LRRC28: variants seen among roughly 807,000 people sequenced by gnomAD.
The protein encoded by LRRC28 is leucine-rich repeat-containing protein 28.
Under a neutral mutation model 45.7 loss-of-function variants are expected in LRRC28, and 39 were observed. The observed-to-expected ratio is 0.85, with a 90% CI of 0.66 to 1.12. The LOEUF (loss-of-function observed/expected upper bound fraction) is 1.12. LRRC28 is among the 50% of genes most tolerant of loss of function. LRRC28 has a pLI of 0.00. For missense variants in LRRC28, 435 were observed against 438.5 expected (o/e 0.99, Z 0.07); for synonymous variants, 206 against 178.8 (o/e 1.15, Z -1.22).
intron 2 of LRRC28, among the ~76,000 whole-genome samples, chr15:99,265,588 A>T (rs1477118905): frequency 6.6e-6 from 1 of 152,168 alleles, no homozygotes; most frequent in Non-Finnish European, 1.5e-5. Flanking sequence ...CTTTGTAAGA[A>T]GGAGAAGGAA....
At position 99,351,208 on chromosome 15, in the gene LRRC28, G is replaced by A. The variant is rs1202231674; in HGVS notation, c.593-1161G>A. Among the ~76,000 whole-genome samples the A allele has an allele frequency of 2.6e-5, 4 of 152,150 alleles. No individual in the cohort carries two copies. In the East Asian group the frequency reaches 7.7e-4, roughly 29 times the overall value. On this transcript the variant is annotated intron_variant, in intron 6 of 9. Transcript: ENST00000301981. ...AGACAAATAGCCCTAGTCAGTGAGTGCTTAGGAGCGGAGAGGAGAGCTGGT... is the reference window on the plus strand; with the variant it reads ...AGACAAATAGCCCTAGTCAGTGAGTACTTAGGAGCGGAGAGGAGAGCTGGT...
At chr15:99,259,958 G>A in intron 2 of LRRC28, 1 of 656,800 alleles carries the variant, frequency 1.5e-6, no homozygotes, top group South Asian at 1.7e-5. Flanking sequence ...AATGGATGTG[G>A]GAACAGATGA....
intron 9 of LRRC28, among the ~76,000 whole-genome samples, chr15:99,380,715 G>T (rs532597312): frequency 1.3e-5 from 2 of 152,342 alleles, no homozygotes; most frequent in Non-Finnish European, 1.5e-5. Context: ...AGGAGCTCTT[G>T]TAGGGCAGGC....
intron 5 of LRRC28, among the ~76,000 whole-genome samples, chr15:99,311,952 T>C (rs1955428518): frequency 6.6e-6 from 1 of 152,200 alleles, no homozygotes; most frequent in Non-Finnish European, 1.5e-5. Context: ...TTACTGTGTT[T>C]TACCAGAATT....
chr15:99,381,089 G>A (rs1297683591), intron 9 of LRRC28, among the ~76,000 whole-genome samples: 6 of 152,098 alleles, frequency 3.9e-5, no homozygotes, highest in African/African-American at 1.4e-4. Flanking sequence ...GCCTTGCTTG[G>A]TTGGGGAATT....
chr15:99,358,113 T>C (rs1957096918), intron 7 of LRRC28, among the ~76,000 whole-genome samples: 1 of 152,206 alleles, frequency 6.6e-6, no homozygotes, highest in Admixed American at 6.5e-5. Flanking sequence ...GTAAGGTGGC[T>C]AAATATAAGA....
Position 99,255,981 on chromosome 15 carries a change from G to C in LRRC28, c.24G>C (p.Thr8=). The C allele has an allele frequency of 7.4e-6, 12 of 1,612,500 alleles. No individual in the cohort carries two copies. Among genetic ancestry groups the C allele is most frequent in the Non-Finnish European group, 1.0e-5 (12 of 1,179,900 alleles). MASELCK[T]ISVARLEKHK... ...TCATGGCGTCCGAACTTTGTAAGACGATCTCTGTGGCAAGGCTAGAAAAGC... is the reference window on the plus strand; with the variant it reads ...TCATGGCGTCCGAACTTTGTAAGACCATCTCTGTGGCAAGGCTAGAAAAGC... The change falls in exon 2 of 10, where the codon ACG becomes ACC. Residue 8 remains threonine, a synonymous_variant. Transcript: ENST00000301981.
intron 7 of LRRC28, among the ~76,000 whole-genome samples, chr15:99,354,473 A>G (rs1340013449): frequency 6.6e-6 from 1 of 152,188 alleles, no homozygotes; most frequent in African/African-American, 2.4e-5. Flanking sequence ...GGGAAGGGGT[A>G]GTAGCACAAG....
rs534044628 is a variant in LRRC28, at chr15:99,345,686, A to G, written c.593-6683A>G. On this transcript the variant is annotated intron_variant, in intron 6 of 9. Transcript: ENST00000301981. Reference sequence around the variant, plus strand: ...TATAAATGTATTGCCTTTTATACCAATAGATATGTCCATGCATGTTTACTT... The same window carrying G: ...TATAAATGTATTGCCTTTTATACCAGTAGATATGTCCATGCATGTTTACTT... Among the ~76,000 whole-genome samples the G allele has an allele frequency of 1.4e-4, 22 of 152,324 alleles. 1 individual carries two copies. In the South Asian group the frequency reaches 4.4e-3, roughly 30 times the overall value.
intron 5 of LRRC28, among the ~76,000 whole-genome samples, chr15:99,296,596 G>A (rs1443588206): frequency 6.6e-6 from 1 of 152,176 alleles, no homozygotes; most frequent in Non-Finnish European, 1.5e-5. Context: ...GTGTCACCAG[G>A]CTGTATATGT....
At chr15:99,324,587 G>A (rs981936237) in intron 5 of LRRC28, among the ~76,000 whole-genome samples, 1 of 152,128 alleles carries the variant, frequency 6.6e-6, no homozygotes, top group Non-Finnish European at 1.5e-5. Flanking sequence ...ATGATTTAAA[G>A]GGGACTTACT....
chr15:99,270,515 G>A (rs553078772), intron 2 of LRRC28, among the ~76,000 whole-genome samples: 1 of 149,472 alleles, frequency 6.7e-6, no homozygotes, highest in South Asian at 2.1e-4. Flanking sequence ...TATATAAATG[G>A]GATCACAAAA....
intron 6 of LRRC28, among the ~76,000 whole-genome samples, chr15:99,340,783 T>C (rs181734244): frequency 1.3e-5 from 2 of 152,176 alleles, no homozygotes; most frequent in African/African-American, 4.8e-5. Flanking sequence ...CCCAAACATG[T>C]GACAAAATGA....
At chr15:99,284,614 C>A (rs530588295) in intron 3 of LRRC28, 5 of 505,164 alleles carry the variant, frequency 9.9e-6, no homozygotes, top group Non-Finnish European at 2.0e-5. Context: ...TGTTTCCTGG[C>A]AGTAATTAAA....
chr15:99,352,440 T>TA lies in LRRC28; in HGVS notation c.665dup (p.Tyr222Ter). ...CATTCACCTGAAAGGCTTGCCATCTTATCTGTACAATAAAGTCATCGGGTG... is the reference window on the plus strand; with the variant it reads ...CATTCACCTGAAAGGCTTGCCATCTTAATCTGTACAATAAAGTCATCGGGTG... ...NNIHLKGLPSYLYNKVIGCSG... is the reference protein window; with the variant it reads ...NNIHLKGLPS Residue 222 changes from tyrosine to a stop codon, truncating the protein, a stop_gained and frameshift_variant, in exon 7 of 10, where the codon TAT becomes TAAT. Coordinates refer to ENST00000301981, the MANE Select transcript of LRRC28 (RefSeq NM_144598.5). LOFTEE classifies it high-confidence loss of function. 1 of 1,614,052 alleles carries TA rather than the reference T, an allele frequency of 6.2e-7. No homozygotes were observed.
At chr15:99,342,180 TC>T (rs2152305075) in intron 6 of LRRC28, among the ~76,000 whole-genome samples, 1 of 152,342 alleles carries the variant, frequency 6.6e-6, no homozygotes, top group South Asian at 2.1e-4. Context: ...GAAACTTTTT[TC>T]CTCACTTATC....
rs762092041 is a variant in LRRC28, at chr15:99,276,584, C to T, written c.177C>T (p.Asn59=). The change falls in exon 3 of 10, where the codon AAC becomes AAT. Residue 59 remains asparagine, a synonymous_variant. Coordinates refer to ENST00000301981, the MANE Select transcript of LRRC28 (RefSeq NM_144598.5). The part of the protein sequence containing the change: ...KRNSLTSLPE[N]LAQKLPNLVE... Reference sequence around the variant, plus strand: ...GAGTTTTTAATTTTCAGCCAGAAAACCTTGCTCAGAAGCTTCCAAACCTTG... The same window carrying T: ...GAGTTTTTAATTTTCAGCCAGAAAATCTTGCTCAGAAGCTTCCAAACCTTG... 6.5e-7 allele frequency: 1 copy of T among 1,529,008 alleles called. No individual in the cohort carries two copies. Among genetic ancestry groups the T allele is most frequent in the Non-Finnish European group, 8.7e-7 (1 of 1,145,922 alleles). 94.7% of individuals were successfully genotyped at this position (1,529,008 alleles called of 1,614,324 possible). A position where few individuals can be genotyped will look rare whatever the true frequency, so the allele number is the denominator to read the frequency against.
At chr15:99,294,577 C>T (rs1395533713) in intron 5 of LRRC28, among the ~76,000 whole-genome samples, 1 of 152,128 alleles carries the variant, frequency 6.6e-6, no homozygotes, top group East Asian at 1.9e-4. Context: ...GCCAGCAGAT[C>T]TGGTGAGGGC....
chr15:99,318,151 A>AT (rs1291449758), intron 5 of LRRC28, among the ~76,000 whole-genome samples: 1 of 152,190 alleles, frequency 6.6e-6, no homozygotes, highest in African/African-American at 2.4e-5. Context: ...ATTTAAAAAA[A>AT]TTTTATAATG....
Sources: gnomAD v4.1 joint callset for allele counts (sites outside exome capture counted in the v4.1 genomes callset) on GRCh38, gnomAD v4.1.1 for gene constraint, MANE v1.5 for transcripts, NCBI Gene and HGNC (gene_info 2026-07-23, HGNC 2026-07-21) for gene names.